MAF: variants seen among roughly 807,000 people sequenced by gnomAD.
MAF encodes the protein MAF bZIP transcription factor, also known as transcription factor Maf.
Under a neutral mutation model 22.0 loss-of-function variants are expected in MAF, and 10 were observed. That is an observed-to-expected ratio of 0.45 (90% confidence interval 0.28 to 0.77). The LOEUF (loss-of-function observed/expected upper bound fraction) is 0.77, where lower values mean the gene tolerates loss of function less well. MAF is among the 30% of genes least tolerant of loss of function. The probability of loss-of-function intolerance (pLI) is 0.12; values close to 1 mark genes in which losing one functional copy is unlikely to be tolerated. For synonymous variants in MAF, 337 were observed against 255.8 expected (o/e 1.32, Z -3.03); for missense variants, 544 against 548.4 (o/e 0.99, Z 0.08).
At chr16:79,351,670 T>A in the MAF span, among the ~76,000 whole-genome samples, 1 of 151,418 alleles carries the variant, frequency 6.6e-6, no homozygotes, top group Non-Finnish European at 1.5e-5. Flanking sequence ...TTAAGCAGTA[T>A]CCAAGGCCAC....
chr16:79,234,810 A>G, the MAF span, among the ~76,000 whole-genome samples: 1 of 152,106 alleles, frequency 6.6e-6, no homozygotes, highest in Non-Finnish European at 1.5e-5. Context: ...GATCTGATTC[A>G]GCCACCTGAG....
At chr16:79,537,037 G>C in the MAF span, among the ~76,000 whole-genome samples, 1 of 152,082 alleles carries the variant, frequency 6.6e-6, no homozygotes, top group African/African-American at 2.4e-5. Context: ...CAGTGTGTTT[G>C]TGTGTGTGTA....
At chr16:79,413,338 G>T in the MAF span, among the ~76,000 whole-genome samples, 1 of 140,076 alleles carries the variant, frequency 7.1e-6, no homozygotes, top group East Asian at 2.2e-4. Flanking sequence ...CGCCTCCCGG[G>T]TTCACGCCAT....
chr16:79,267,210 T>G, the MAF span, among the ~76,000 whole-genome samples: 3 of 152,180 alleles, frequency 2.0e-5, no homozygotes, highest in Non-Finnish European at 4.4e-5. Flanking sequence ...CCATGAAGAT[T>G]CACACTGATG....
At chr16:79,343,829 A>AC in the MAF span, among the ~76,000 whole-genome samples, 3 of 151,888 alleles carry the variant, frequency 2.0e-5, no homozygotes, top group African/African-American at 7.3e-5. Flanking sequence ...TGGTCTTCCT[A>AC]CCCCCCACGG....
chr16:79,515,224 G>A, the MAF span, among the ~76,000 whole-genome samples: 1 of 152,198 alleles, frequency 6.6e-6, no homozygotes, highest in South Asian at 2.1e-4. Context: ...CAACGCTGCT[G>A]ACCCTTACTC....
the MAF span, among the ~76,000 whole-genome samples, chr16:79,495,302 A>G: frequency 1.3e-5 from 2 of 152,144 alleles, no homozygotes; most frequent in African/African-American, 4.8e-5. Flanking sequence ...TCCCTAAAAA[A>G]ACATTTTTTT....
chr16:79,575,542 C>A, the MAF span, among the ~76,000 whole-genome samples: 4 of 152,126 alleles, frequency 2.6e-5, no homozygotes, highest in African/African-American at 7.2e-5. Flanking sequence ...CTCTAGCCAA[C>A]CTCTGCTGAG....
chr16:79,548,813 A>C, the MAF span, among the ~76,000 whole-genome samples: 16 of 152,172 alleles, frequency 1.1e-4, no homozygotes, highest in Non-Finnish European at 2.4e-4. Flanking sequence ...AGAGAGTGGC[A>C]GACACACCAG....
chr16:79,488,552 C>T, the MAF span, among the ~76,000 whole-genome samples: 5 of 152,228 alleles, frequency 3.3e-5, no homozygotes, highest in East Asian at 5.8e-4. Flanking sequence ...AGGAACGGGT[C>T]GAACATGCTA....
At chr16:79,371,905 A>G in the MAF span, among the ~76,000 whole-genome samples, 2 of 152,034 alleles carry the variant, frequency 1.3e-5, no homozygotes, top group Non-Finnish European at 2.9e-5. Flanking sequence ...TAGGTTATTC[A>G]CTCTCCCAAG....
chr16:79,299,539 C>T, the MAF span, among the ~76,000 whole-genome samples: 3 of 152,102 alleles, frequency 2.0e-5, no homozygotes, highest in East Asian at 3.9e-4. Context: ...ACTCAATTGA[C>T]GGTTACTTTT....
chr16:79,480,348 A>G, the MAF span, among the ~76,000 whole-genome samples: 6,131 of 151,896 alleles, frequency 0.04, 437 homozygotes, highest in African/African-American at 0.14. Flanking sequence ...ATTCTTTTGC[A>G]AAATACATTT....
the MAF span, among the ~76,000 whole-genome samples, chr16:79,239,217 G>A: frequency 0.072 from 10,987 of 152,054 alleles, 587 homozygotes; most frequent in Middle Eastern, 0.15. Flanking sequence ...AAATTCTGCC[G>A]AGCTGGAACA....
the MAF span, among the ~76,000 whole-genome samples, chr16:79,341,608 G>A: frequency 4.6e-5 from 7 of 152,140 alleles, no homozygotes; most frequent in Non-Finnish European, 1.0e-4. Context: ...CTAGCACACT[G>A]CTGGTCATCA....
At chr16:79,470,308 C>G in the MAF span, among the ~76,000 whole-genome samples, 1 of 152,308 alleles carries the variant, frequency 6.6e-6, no homozygotes, top group South Asian at 2.1e-4. Context: ...CCCATCCGCC[C>G]TTTCCTGGCA....
the MAF span, among the ~76,000 whole-genome samples, chr16:79,398,491 G>C: frequency 6.6e-6 from 1 of 152,146 alleles, no homozygotes. Context: ...CTGCAGAAGA[G>C]GAATGAGAAG....
At chr16:79,557,382 T>G in the MAF span, among the ~76,000 whole-genome samples, 7 of 151,744 alleles carry the variant, frequency 4.6e-5, no homozygotes, top group Non-Finnish European at 7.4e-5. Context: ...TTTCCAGACT[T>G]TCAGGTGTAG....
the MAF span, among the ~76,000 whole-genome samples, chr16:79,267,617 C>T: frequency 5.3e-5 from 8 of 152,240 alleles, no homozygotes; most frequent in East Asian, 9.7e-4. Flanking sequence ...TGGGATGCAC[C>T]GGGTAGTATG....
Sources: gnomAD v4.1 joint callset for allele counts (sites outside exome capture counted in the v4.1 genomes callset) on GRCh38, gnomAD v4.1.1 for gene constraint, MANE v1.5 for transcripts, NCBI Gene and HGNC (gene_info 2026-07-23, HGNC 2026-07-21) for gene names.